ZDHHC11B: variants seen among roughly 807,000 people sequenced by gnomAD.
ZDHHC11B encodes zDHHC palmitoyltransferase 11B (putative), also known as probable palmitoyltransferase ZDHHC11B.
Under a neutral mutation model 42.3 loss-of-function variants are expected in ZDHHC11B, and 17 were observed. That is an observed-to-expected ratio of 0.40 (90% CI 0.27 to 0.60). The LOEUF is 0.60. ZDHHC11B is among the 20% of genes least tolerant of loss of function. ZDHHC11B has a pLI of 0.41. For synonymous variants in ZDHHC11B, 123 were observed against 193.5 expected (o/e 0.64, Z 3.02); for missense variants, 262 against 463.2 (o/e 0.57, Z 3.99).
chr5:784,006 T>A (rs1380592875), intron 1 of ZDHHC11B, among the ~76,000 whole-genome samples: 1 of 151,282 alleles, frequency 6.6e-6, no homozygotes. Context: ...CCTCGGGCGC[T>A]GCTCCCAGGG....
chr5:744,811 C>T (rs1312548996), intron 9 of ZDHHC11B, among the ~76,000 whole-genome samples: 1 of 148,138 alleles, frequency 6.8e-6, no homozygotes, highest in Non-Finnish European at 1.5e-5. Context: ...GTGGCGGCTA[C>T]AATGAGCTGA....
At position 759,247 on chromosome 5, in the gene ZDHHC11B, A is replaced by G. The variant is rs1452315837; in HGVS notation, c.223-3103T>C. Among the ~76,000 whole-genome samples, 7 of 151,566 alleles carry G rather than the reference A, an allele frequency of 4.6e-5. 1 individual carries two copies. The highest frequency in any genetic ancestry group is 7.3e-5 in the African/African-American group (3 of 41,118). ...ATAAACGGCGCCGCAGCGCCAGCCC[A>G]GAACACACACCCTGCGCCCTTTGTT... On this transcript the variant is annotated intron_variant, in intron 4 of 13. Coordinates refer to ENST00000508859, the MANE Select transcript of ZDHHC11B (RefSeq NM_001351303.2).
At chr5:738,728 T>C (rs1168471557) in intron 10 of ZDHHC11B, among the ~76,000 whole-genome samples, 2 of 148,394 alleles carry the variant, frequency 1.3e-5, no homozygotes, top group Non-Finnish European at 3.0e-5. Flanking sequence ...CTGGGATGAT[T>C]CACAAGCCAC....
At chr5:742,483 A>C (rs1744273406) in intron 9 of ZDHHC11B, among the ~76,000 whole-genome samples, 1 of 61,924 alleles carries the variant, frequency 1.6e-5, no homozygotes. Flanking sequence ...ACTGCACTTC[A>C]CAGAAACTGT....
In ZDHHC11B at chr5:750,387, G is replaced by A. The variant is rs1208244994; in HGVS notation, c.628+746C>T. On this transcript the variant is annotated intron_variant, in intron 7 of 13. Transcript: ENST00000508859. The stretch of plus-strand genomic sequence containing the variant: ...CTGTGGCTCCGGGCGACCCCGGGCT[G>A]TGGCTGTGTGACTCCACCCCTGCCT... Among the ~76,000 whole-genome samples the A allele has an allele frequency of 2.1e-5, 3 of 142,444 alleles. No homozygotes were observed. The Admixed American group carries it at 2.2e-4, about 10-fold the overall frequency. The allele number at this position is 142,444 out of a possible 152,430, so 93.4% of individuals were successfully genotyped here.
rs112733954 is a variant in ZDHHC11B, at chr5:761,647, C to T, written c.222+5051G>A. ...TGGGTTGCCACGTTCCAGCACCTCC[C>T]ATGGTAGAAGCCTGAACCCCCACAT... On this transcript the variant is annotated intron_variant, in intron 4 of 13. Coordinates refer to ENST00000508859, the MANE Select transcript of ZDHHC11B (RefSeq NM_001351303.2). Among the ~76,000 whole-genome samples the T allele has an allele frequency of 6.8e-3, 1,038 of 151,676 alleles. 27 individuals are homozygous for T. The highest frequency in any genetic ancestry group is 0.024 in the African/African-American group (974 of 41,152).
intron 4 of ZDHHC11B, among the ~76,000 whole-genome samples, chr5:762,247 C>T (rs1734726021): frequency 9.1e-6 from 1 of 109,356 alleles, no homozygotes; most frequent in Admixed American, 9.4e-5. Flanking sequence ...CACTCCCAGC[C>T]CTGGACAGTC....
At chr5:772,340 G>A (rs1736130566) in intron 1 of ZDHHC11B, among the ~76,000 whole-genome samples, 1 of 146,780 alleles carries the variant, frequency 6.8e-6, no homozygotes, top group African/African-American at 2.4e-5. Flanking sequence ...GAGCACGGTG[G>A]GGGCCGTGGG....
At chr5:779,024 C>T (rs1160155195) in intron 1 of ZDHHC11B, among the ~76,000 whole-genome samples, 1 of 151,322 alleles carries the variant, frequency 6.6e-6, no homozygotes, top group Non-Finnish European at 1.5e-5. Flanking sequence ...GCCAAGCCTG[C>T]AGGTGCCTTG....
chr5:767,303 C>A, intron 3 of ZDHHC11B, 89 bp downstream of exon 3: 4 of 1,428,764 alleles, frequency 2.8e-6, no homozygotes, highest in Non-Finnish European at 3.9e-6. Context: ...GCCCTCTCCC[C>A]ACCCACACAC....
rs7711910 is a variant in ZDHHC11B at position 717,180 on chromosome 5, C to T, written c.1059-315G>A. On this transcript the variant is annotated intron_variant, in intron 12 of 13. Coordinates refer to ENST00000508859, the MANE Select transcript of ZDHHC11B (RefSeq NM_001351303.2). Reference sequence around the variant, plus strand: ...TTTGGATTTCCAGCATGAAAAGTGGCGAAATGTGGGGCCCACAGGAGGTCA... The same window carrying T: ...TTTGGATTTCCAGCATGAAAAGTGGTGAAATGTGGGGCCCACAGGAGGTCA... 3.2e-4 allele frequency among the ~76,000 whole-genome samples: 48 copies of T among 150,768 alleles called. 4 individuals carry two copies. Among genetic ancestry groups the T allele is most frequent in the African/African-American group, 9.1e-4 (37 of 40,758 alleles).
intron 10 of ZDHHC11B, among the ~76,000 whole-genome samples, chr5:739,594 T>C (rs1743939655): frequency 6.7e-6 from 1 of 148,172 alleles, no homozygotes; most frequent in Non-Finnish European, 1.5e-5. Flanking sequence ...AGAATGGCCA[T>C]AATATAAAAA....
chr5:760,903 C>T (rs1212073280), intron 4 of ZDHHC11B, among the ~76,000 whole-genome samples: 1 of 151,496 alleles, frequency 6.6e-6, no homozygotes, highest in Non-Finnish European at 1.5e-5. Flanking sequence ...ACCTGTGCAG[C>T]GTTCTTCTGA....
chr5:770,737 C>A (rs1391096664), intron 1 of ZDHHC11B, among the ~76,000 whole-genome samples: 1 of 152,008 alleles, frequency 6.6e-6, no homozygotes, highest in East Asian at 1.9e-4. Context: ...GAGCCCTGGG[C>A]CTGGCCCCAG....
intron 9 of ZDHHC11B, among the ~76,000 whole-genome samples, chr5:742,483 AC>A (rs2127045328): frequency 1.6e-5 from 1 of 61,972 alleles, no homozygotes; most frequent in South Asian, 5.8e-4. Context: ...ACTGCACTTC[AC>A]AGAAACTGTT....
At chr5:775,969 G>A (rs1470430533) in intron 1 of ZDHHC11B, among the ~76,000 whole-genome samples, 6 of 143,210 alleles carry the variant, frequency 4.2e-5, no homozygotes, top group African/African-American at 1.6e-4. Context: ...AGGAACCCCT[G>A]GGGGTCCCTG....
intron 1 of ZDHHC11B, among the ~76,000 whole-genome samples, chr5:780,196 A>G (rs537581483): frequency 0.011 from 1,645 of 150,852 alleles, 27 homozygotes; most frequent in African/African-American, 0.038. Context: ...CATCTGATGA[A>G]TGAAAAGACA....
intron 4 of ZDHHC11B, among the ~76,000 whole-genome samples, chr5:757,725 G>A (rs1456477623): frequency 2.6e-5 from 4 of 151,900 alleles, no homozygotes; most frequent in African/African-American, 9.7e-5. Context: ...GTGTGAGCTG[G>A]GGAGGAGACT....
chr5:783,368 C>T (rs1366930353), intron 1 of ZDHHC11B, among the ~76,000 whole-genome samples: 3 of 152,278 alleles, frequency 2.0e-5, no homozygotes, highest in African/African-American at 4.8e-5. Flanking sequence ...TGCCCCTTCC[C>T]GGCCTTGGTC....
Sources: allele counts gnomAD v4.1 joint callset (sites outside exome capture counted in the v4.1 genomes callset), GRCh38; gene constraint gnomAD v4.1.1; transcripts MANE v1.5; gene names NCBI Gene and HGNC (gene_info 2026-07-23, HGNC 2026-07-21).